The following SMG6 variants were observed in gnomAD, a reference collection of about 807,000 sequenced individuals.
SMG6 encodes the protein SMG6 nonsense mediated mRNA decay factor, also known as telomerase-binding protein EST1A.
In SMG6, 66 loss-of-function variants were observed where a neutral mutation model predicts 142.2. The observed-to-expected ratio is 0.46, with a 90% CI of 0.38 to 0.57. The LOEUF (loss-of-function observed/expected upper bound fraction) is 0.57. Among genes scored for constraint, SMG6 ranks in the 20% least tolerant of loss-of-function variants. SMG6 has a pLI of 0.00. For missense variants in SMG6, 1,793 were observed against 1,832.0 expected, an observed-to-expected ratio of 0.98 and a Z score of 0.39; for synonymous variants, 779 against 702.4, an observed-to-expected ratio of 1.11 and a Z score of -1.72.
intron 15 of SMG6, among the ~76,000 whole-genome samples, chr17:2,077,945 A>C (rs1597347694): frequency 6.6e-6 from 1 of 152,230 alleles, no homozygotes; most frequent in Non-Finnish European, 1.5e-5. Flanking sequence ...AAGAGGCTGG[A>C]AAAACAGACT....
At chr17:2,064,829 G>A (rs187288913) in intron 18 of SMG6, among the ~76,000 whole-genome samples, 4 of 152,176 alleles carry the variant, frequency 2.6e-5, no homozygotes, top group Admixed American at 6.5e-5. Context: ...GAAGAACCTC[G>A]CGGCCTAGGG....
intron 9 of SMG6, chr17:2,236,946 G>T: frequency 3.0e-6 from 2 of 655,844 alleles, no homozygotes; most frequent in Non-Finnish European, 3.9e-6. Flanking sequence ...CTGTGTTCAA[G>T]CTAATATCAA....
intron 10 of SMG6, among the ~76,000 whole-genome samples, chr17:2,194,712 C>A (rs1002136): frequency 0.42 from 57,450 of 138,326 alleles, 11,815 homozygotes; most frequent in African/African-American, 0.48. Context: ...CAAAACAAAA[C>A]AAAAAAAAAA....
At chr17:2,255,167 G>A (rs1180535649) in intron 8 of SMG6, among the ~76,000 whole-genome samples, 2 of 152,020 alleles carry the variant, frequency 1.3e-5, no homozygotes, top group East Asian at 3.9e-4. Flanking sequence ...CACTTTGGGA[G>A]GCCGAGGCGG....
chr17:2,186,811 C>T lies in SMG6; in HGVS notation c.3007G>A (p.Asp1003Asn), dbSNP rs773139025. ...TTGATGTCGTCTTGGTCATCCTGGT[C>T]CTCAGGAGAGGACAGCTGAGCTGCA... ...SAKAQLSSPE[D>N]QDDQDDIKVS... Residue 1003 changes from aspartate to asparagine, a missense_variant, in exon 12 of 19, where the codon GAC becomes AAC. By Grantham distance (23) the Asp-to-Asn change is conservative (BLOSUM62 1). Transcript: ENST00000263073. 35 of 1,613,994 alleles carry T rather than the reference C, an allele frequency of 2.2e-5. No homozygotes were observed. The highest frequency in any genetic ancestry group is 2.9e-5 in the Non-Finnish European group (34 of 1,180,012).
At chr17:2,094,122 G>T (rs1222795821) in intron 13 of SMG6, among the ~76,000 whole-genome samples, 1 of 152,218 alleles carries the variant, frequency 6.6e-6, no homozygotes, top group Non-Finnish European at 1.5e-5. Context: ...ACTAATAAAT[G>T]TATCAGAAAT....
At chr17:2,249,225 C>T (rs910227177) in intron 8 of SMG6, among the ~76,000 whole-genome samples, 22 of 152,000 alleles carry the variant, frequency 1.4e-4, no homozygotes, top group African/African-American at 5.3e-4. Context: ...TCACAAAAAC[C>T]TTAGTCCGAG....
chr17:2,298,059 G>C lies in SMG6; in HGVS notation c.1848-4C>G, dbSNP rs934032071. ...ATATAGCTGCAGCAGTTCAGCTCTG[G>C]AATAAAATACATGCAACTTCCAGCT... is the stretch of plus-strand genomic sequence containing the variant. On this transcript the variant is annotated splice_polypyrimidine_tract_variant and splice_region_variant and intron_variant, in intron 2 of 18. Transcript: ENST00000263073. 11 of 1,586,052 alleles carry C rather than the reference G, an allele frequency of 6.9e-6. No homozygotes were observed. Among genetic ancestry groups the C allele is most frequent in the African/African-American group, 1.4e-5 (1 of 73,384 alleles).
Position 2,303,712 on chromosome 17 carries a change from T to G in SMG6, c.9A>C (p.Glu3Asp). The change falls in exon 1 of 19, where the codon GAA becomes GAC. Residue 3 changes from glutamate (E) to aspartate (D), a missense_variant. Physicochemically the swap from Glu to Asp is conservative, Grantham distance 45. Transcript: ENST00000263073. MA[E>D]GLERVRISAS... is the part of the protein sequence containing the mutation. ...CGGAGATCCGCACACGCTCCAGCCCTTCCGCCATCTTCGCGGCTGCTGCTA... is the reference window on the plus strand; with the variant it reads ...CGGAGATCCGCACACGCTCCAGCCCGTCCGCCATCTTCGCGGCTGCTGCTA... 1 of 1,492,362 alleles carries G rather than the reference T, an allele frequency of 6.7e-7. No individual in the cohort carries two copies. Among genetic ancestry groups the G allele is most frequent in the Non-Finnish European group, 8.9e-7 (1 of 1,127,412 alleles). 92.4% of individuals were successfully genotyped at this position (1,492,362 alleles called of 1,614,324 possible). A position where few individuals can be genotyped will look rare whatever the true frequency, so the allele number is the denominator to read the frequency against.
intron 10 of SMG6, among the ~76,000 whole-genome samples, chr17:2,225,753 T>C (rs1472173812): frequency 6.6e-6 from 1 of 152,182 alleles, no homozygotes; most frequent in Non-Finnish European, 1.5e-5. Flanking sequence ...CAAGGTGAAG[T>C]ATGCATGCTT....
chr17:2,291,538 C>T (rs1047595743), intron 6 of SMG6, among the ~76,000 whole-genome samples: 34 of 151,848 alleles, frequency 2.2e-4, no homozygotes, highest in Middle Eastern at 3.2e-3. Context: ...AGGCAAAAAC[C>T]GGAGAGAGAT....
intron 13 of SMG6, among the ~76,000 whole-genome samples, chr17:2,120,795 A>T (rs1018261833): frequency 6.6e-6 from 1 of 152,200 alleles, no homozygotes; most frequent in African/African-American, 2.4e-5. Flanking sequence ...ATATATCACC[A>T]GTCACCACAC....
chr17:2,226,384 G>T (rs2151781180), intron 10 of SMG6, among the ~76,000 whole-genome samples: 1 of 151,310 alleles, frequency 6.6e-6, no homozygotes, highest in South Asian at 2.1e-4. Flanking sequence ...TTTGAGACCA[G>T]TCTGGCCAAC....
chr17:2,104,210 C>T (rs980880999), intron 13 of SMG6, among the ~76,000 whole-genome samples: 10 of 152,056 alleles, frequency 6.6e-5, no homozygotes, highest in Non-Finnish European at 1.5e-4. Context: ...CTCGGCCTCC[C>T]AAAGTGCTGG....
chr17:2,294,065 A>G (rs368940946), intron 4 of SMG6, among the ~76,000 whole-genome samples: 17 of 152,228 alleles, frequency 1.1e-4, no homozygotes, highest in African/African-American at 1.7e-4. Context: ...AGAAATTAAC[A>G]TATCACTGAA....
intron 10 of SMG6, among the ~76,000 whole-genome samples, chr17:2,198,013 A>G (rs1208269789): frequency 1.3e-5 from 2 of 152,062 alleles, no homozygotes; most frequent in African/African-American, 2.4e-5. Flanking sequence ...TTACGTTTAG[A>G]AAAAAAACCA....
intron 10 of SMG6, among the ~76,000 whole-genome samples, chr17:2,201,491 C>T (rs935173785): frequency 1.3e-5 from 2 of 151,990 alleles, no homozygotes; most frequent in Admixed American, 1.3e-4. Context: ...GTCAGGAGTT[C>T]GAGACTGGCC....
chr17:2,143,145 C>T (rs1302106833), intron 13 of SMG6, among the ~76,000 whole-genome samples: 2 of 152,092 alleles, frequency 1.3e-5, no homozygotes, highest in Admixed American at 6.6e-5. Flanking sequence ...GTTGCAGCTG[C>T]TTTGGAAAAC....
At chr17:2,170,355 G>C (rs1028829294) in intron 13 of SMG6, among the ~76,000 whole-genome samples, 3 of 152,190 alleles carry the variant, frequency 2.0e-5, no homozygotes, top group African/African-American at 7.2e-5. Flanking sequence ...GGAAGAGTCT[G>C]AAGCTCGTTA....
Sources: gnomAD v4.1 joint callset for allele counts (sites outside exome capture counted in the v4.1 genomes callset) on GRCh38, gnomAD v4.1.1 for gene constraint, MANE v1.5 for transcripts, NCBI Gene and HGNC (gene_info 2026-07-23, HGNC 2026-07-21) for gene names.